EBF2: variants seen among roughly 807,000 people sequenced by gnomAD.
EBF2 encodes transcription factor COE2.
In EBF2, 21 loss-of-function variants were observed where a neutral mutation model predicts 72.8. That is an observed-to-expected ratio of 0.29 (90% CI 0.20 to 0.42). EBF2 has a LOEUF of 0.42. Among genes scored for constraint, EBF2 ranks in the 10% least tolerant of loss-of-function variants. The probability of loss-of-function intolerance (pLI) is 1.00; values close to 1 mark genes in which losing one functional copy is unlikely to be tolerated. For synonymous variants in EBF2, 299 were observed against 274.2 expected (o/e 1.09, Z -0.89); for missense variants, 637 against 731.2 (o/e 0.87, Z 1.49).
rs140184967 is a variant in EBF2, at chr8:25,973,942, T to C, written c.551+59143A>G. On this transcript the variant is annotated intron_variant, in intron 6 of 15. Coordinates refer to ENST00000520164, the MANE Select transcript of EBF2 (RefSeq NM_022659.4). ...ATTCACCCACCTCAGCCTCCCGAAG[T>C]GCTGGGATTACAGGTGTGAGCCACC... Among the ~76,000 whole-genome samples the C allele has an allele frequency of 4.0e-3, 614 of 152,306 alleles. 2 individuals are homozygous for C. Among genetic ancestry groups the C allele is most frequent in the African/African-American group, 0.014 (567 of 41,568 alleles).
intron 6 of EBF2, among the ~76,000 whole-genome samples, chr8:25,910,685 G>T (rs1421478259): frequency 1.3e-5 from 2 of 152,182 alleles, no homozygotes; most frequent in Non-Finnish European, 2.9e-5. Context: ...ACCCTTAACA[G>T]TGATTTGGAT....
intron 2 of EBF2, 120 bp from the exon 3 acceptor site, chr8:26,041,122 C>T: frequency 8.6e-7 from 1 of 1,164,764 alleles, no homozygotes; most frequent in South Asian, 1.3e-5. Flanking sequence ...CTTTGAGTAA[C>T]CCCCTGTTCA....
At chr8:25,938,425 C>G (rs969824295) in intron 6 of EBF2, among the ~76,000 whole-genome samples, 1 of 147,134 alleles carries the variant, frequency 6.8e-6, no homozygotes, top group African/African-American at 2.5e-5. Context: ...TTTTCTTGCT[C>G]TAGTTGGACA....
chr8:25,847,099 C>T (rs867449112), intron 15 of EBF2, among the ~76,000 whole-genome samples: 21 of 152,164 alleles, frequency 1.4e-4, no homozygotes, highest in Middle Eastern at 3.2e-3. Flanking sequence ...GGGTAAACTG[C>T]TTAACTAAGA....
chr8:25,858,945 C>T (rs1328992791), intron 13 of EBF2, among the ~76,000 whole-genome samples: 2 of 152,058 alleles, frequency 1.3e-5, no homozygotes, highest in Non-Finnish European at 2.9e-5. Context: ...AGGTGTGAGC[C>T]AGTGCGCCCA....
chr8:26,022,213 C>G (rs575663691), intron 6 of EBF2, among the ~76,000 whole-genome samples: 6 of 152,302 alleles, frequency 3.9e-5, no homozygotes, highest in South Asian at 2.1e-4. Context: ...GATACCTTGT[C>G]TCTTATCCCA....
rs1805671147 is a variant in EBF2, at chr8:26,044,655, C to T, written c.131+74G>A. 4 of 1,540,296 alleles carry T rather than the reference C, an allele frequency of 2.6e-6. No homozygotes were observed. Among genetic ancestry groups the T allele is most frequent in the Non-Finnish European group, 2.6e-6 (3 of 1,135,284 alleles). ...GGGAGAGAGAAAGGCACGGGGTGCG[C>T]GGGGGGGGTGCACACGGAGAGACAG... On this transcript the variant is annotated intron_variant, in intron 1 of 15. Coordinates refer to ENST00000520164, the MANE Select transcript of EBF2 (RefSeq NM_022659.4). This position sits in a 1 kb window ranked among gnomAD's most constrained non-coding sequence, Gnocchi z 4.1.
chr8:25,962,109 A>G (rs1804045019), intron 6 of EBF2, among the ~76,000 whole-genome samples: 1 of 152,152 alleles, frequency 6.6e-6, no homozygotes, highest in African/African-American at 2.4e-5. Context: ...TGCCACGTAC[A>G]CGTCTTACTT....
chr8:25,903,652 G>A (rs917648454), intron 7 of EBF2, among the ~76,000 whole-genome samples: 11 of 152,078 alleles, frequency 7.2e-5, no homozygotes, highest in African/African-American at 2.7e-4. Flanking sequence ...AGCCGAGATC[G>A]CGCCACTGCA....
At chr8:25,972,147 G>C (rs781135910) in intron 6 of EBF2, among the ~76,000 whole-genome samples, 7 of 152,352 alleles carry the variant, frequency 4.6e-5, no homozygotes, top group East Asian at 3.9e-4. Context: ...AATCAACAGA[G>C]AGGAGCATGC....
At chr8:26,034,633 T>G (rs1805466665) in intron 5 of EBF2, among the ~76,000 whole-genome samples, 1 of 152,196 alleles carries the variant, frequency 6.6e-6, no homozygotes, top group Non-Finnish European at 1.5e-5. Context: ...CTGCTGCCTA[T>G]CAGGGCTACA....
chr8:26,040,791 C>T, intron 3 of EBF2, 120 bp from the exon 4 acceptor site: 4 of 1,467,820 alleles, frequency 2.7e-6, no homozygotes, highest in Non-Finnish European at 3.7e-6. Context: ...GCCCTGGAGA[C>T]GGTGACCTCC....
At chr8:26,002,936 AGGCAGGCGGGCG>A (rs1804764968) in intron 6 of EBF2, among the ~76,000 whole-genome samples, 44 of 82,790 alleles carry the variant, frequency 5.3e-4, no homozygotes, top group Admixed American at 1.9e-3. Context: ...GCAGGCAGGC[AGGCAGGCGGGCG>A]GGCAGGCAGG....
intron 10 of EBF2, among the ~76,000 whole-genome samples, chr8:25,870,792 C>T: frequency 6.6e-6 from 1 of 151,916 alleles, no homozygotes; most frequent in East Asian, 1.9e-4. Flanking sequence ...GTAGATAAGG[C>T]AGAATTGTCT....
chr8:25,859,051 G>A (rs1427966249), intron 13 of EBF2, among the ~76,000 whole-genome samples: 2 of 152,090 alleles, frequency 1.3e-5, no homozygotes, highest in African/African-American at 2.4e-5. Context: ...AGCACCTCCA[G>A]CTTACACCAA....
intron 14 of EBF2, among the ~76,000 whole-genome samples, chr8:25,855,221 C>T (rs1448320664): frequency 6.6e-6 from 1 of 152,132 alleles, no homozygotes; most frequent in Non-Finnish European, 1.5e-5. Context: ...CTGGAACTCA[C>T]CGGGCACATA....
intron 10 of EBF2, among the ~76,000 whole-genome samples, chr8:25,873,466 A>G (rs2117275721): frequency 6.6e-6 from 1 of 152,266 alleles, no homozygotes; most frequent in Non-Finnish European, 1.5e-5. Flanking sequence ...CCCCACATCC[A>G]TTTGTTTTAA....
rs1803740563 is a variant in EBF2, at chr8:25,944,924, G to A, written c.552-36369C>T. Reference sequence around the variant, plus strand: ...TGATAAGTGGCCTCTGATAAGACAGGATACCAGTGTTCAGGACTGCTCTTG... The same window carrying A: ...TGATAAGTGGCCTCTGATAAGACAGAATACCAGTGTTCAGGACTGCTCTTG... On this transcript the variant is annotated intron_variant, in intron 6 of 15. Transcript: ENST00000520164. Among the ~76,000 whole-genome samples the A allele has an allele frequency of 2.0e-5, 3 of 152,062 alleles. No individual in the cohort carries two copies. In the South Asian group the frequency reaches 6.2e-4, roughly 32 times the overall value.
chr8:25,951,054 A>G (rs1266954446), intron 6 of EBF2, among the ~76,000 whole-genome samples: 1 of 152,218 alleles, frequency 6.6e-6, no homozygotes, highest in Non-Finnish European at 1.5e-5. Context: ...AAACTCAAAA[A>G]TAGATGCTGC....
Sources: allele counts gnomAD v4.1 joint callset (sites outside exome capture counted in the v4.1 genomes callset), GRCh38; gene constraint gnomAD v4.1.1; non-coding constraint Gnocchi (gnomAD v3.1); transcripts MANE v1.5; gene names NCBI Gene and HGNC (gene_info 2026-07-23, HGNC 2026-07-21).